KRT78: variants seen among roughly 807,000 people sequenced by gnomAD.
KRT78 encodes the protein keratin 78.
Under a neutral mutation model 51.4 loss-of-function variants are expected in KRT78, and 55 were observed. That is an observed-to-expected ratio of 1.07 (90% CI 0.86 to 1.34). The LOEUF (loss-of-function observed/expected upper bound fraction) is 1.34. Ranked by LOEUF, KRT78 falls within the 40% of genes most tolerant of loss-of-function variation. KRT78 has a pLI of 0.00. For missense variants in KRT78, 652 were observed against 649.4 expected, an observed-to-expected ratio of 1.00 and a Z score of -0.04; for synonymous variants, 291 against 264.3, an observed-to-expected ratio of 1.10 and a Z score of -0.98.
intron 6 of KRT78, among the ~76,000 whole-genome samples, chr12:52,841,590 A>G (rs1384425861): frequency 6.6e-6 from 1 of 152,150 alleles, no homozygotes; most frequent in African/African-American, 2.4e-5. Context: ...TTGCCCTCAC[A>G]TCTGACTCAG....
At position 52,848,703 on chromosome 12, in the gene KRT78, G is replaced by A; in HGVS notation, c.228C>T (p.Ser76=). Residue 76 remains serine (S), a synonymous_variant, in exon 1 of 9, where the codon TCC becomes TCT. Transcript: ENST00000304620. The stretch of plus-strand genomic sequence containing the variant: ...CTTGGATGCCCCCCGGAGGGCACAG[G>A]GAGAGCCCAGGCCCACCACTCCACT... ...FGEWSGGPGL[S]LCPPGGIQEV... 6.2e-7 allele frequency: 1 copy of A among 1,612,620 alleles called. No individual in the cohort carries two copies. Among genetic ancestry groups the A allele is most frequent in the Non-Finnish European group, 8.5e-7 (1 of 1,179,058 alleles).
rs199905467 is a variant in KRT78, at chr12:52,846,305, G to T, written c.661-13C>A. ...CCCCATCCACATCCTGGAGACAAGG[G>T]GAGAGAGAACACGTAACCCCCTCTT... On this transcript the variant is annotated splice_polypyrimidine_tract_variant and intron_variant, in intron 3 of 8. Transcript: ENST00000304620. 3.2e-6 allele frequency: 5 copies of T among 1,564,722 alleles called. No homozygotes were observed. The East Asian group carries it at 9.0e-5, about 28-fold the overall frequency.
chr12:52,848,396 G>A (rs904179968), intron 1 of KRT78, 151 bp downstream of exon 1: 29 of 1,399,664 alleles, frequency 2.1e-5, no homozygotes, highest in Non-Finnish European at 2.7e-5. Flanking sequence ...TAGCCAGAGA[G>A]AGTCCAGTTA....
chr12:52,844,427 C>T, intron 5 of KRT78, 132 bp downstream of exon 5: 1 of 1,219,850 alleles, frequency 8.2e-7, no homozygotes, highest in Non-Finnish European at 1.1e-6. Flanking sequence ...AATGGCCCTG[C>T]CCACCCAGCC....
At chr12:52,841,107 A>T (rs761381493) in intron 6 of KRT78, among the ~76,000 whole-genome samples, 1 of 151,880 alleles carries the variant, frequency 6.6e-6, no homozygotes, top group African/African-American at 2.4e-5. Flanking sequence ...AATGGTTCTC[A>T]TTTTTTTCAG....
At chr12:52,846,534 C>T (rs1272860568) in intron 3 of KRT78, among the ~76,000 whole-genome samples, 2 of 152,176 alleles carry the variant, frequency 1.3e-5, no homozygotes, top group South Asian at 2.1e-4. Context: ...TCTCCCTCCC[C>T]GCCCTCTCCT....
rs773442956 is a variant in KRT78 at position 52,848,789 on chromosome 12, G to T, written c.142C>A (p.Leu48Met). 2 of 1,606,618 alleles carry T rather than the reference G, an allele frequency of 1.2e-6. No homozygotes were observed. Among genetic ancestry groups the T allele is most frequent in the Non-Finnish European group, 1.7e-6 (2 of 1,178,310 alleles). The change falls in exon 1 of 9, where the codon CTG (leucine) becomes ATG (methionine). Residue 48 changes from leucine (L) to methionine (M), a missense_variant. Physicochemically the swap from Leu to Met is conservative, Grantham distance 15. Transcript: ENST00000304620. ...CAGGTACTCCCACGAGAGCCTTCCA[G>T]GCACCCCCCAAAGGAATTAAGGCTC... is the stretch of plus-strand genomic sequence containing the variant. ...SRSLNSFGGC[L>M]EGSRGSTWGS...
At position 52,846,839 on chromosome 12, in the gene KRT78, G is replaced by C. The variant is rs1199331549; in HGVS notation, c.600-15C>G. ...CCTCCTCATACCTGCCAAATAAGTA[G>C]AGAAGGATGCAGTTTGAGGCTCCAC... On this transcript the variant is annotated splice_polypyrimidine_tract_variant and intron_variant, in intron 2 of 8. Coordinates refer to ENST00000304620, the MANE Select transcript of KRT78 (RefSeq NM_173352.4). The C allele has an allele frequency of 1.2e-6, 2 of 1,609,776 alleles. No homozygotes were observed. The highest frequency in any genetic ancestry group is 1.7e-6 in the Non-Finnish European group (2 of 1,176,524).
rs200692895 is a variant in KRT78, at chr12:52,839,440, C to T, written c.1303+13G>A. 7.5e-6 allele frequency: 12 copies of T among 1,609,930 alleles called. No homozygotes were observed. The highest frequency in any genetic ancestry group is 5.3e-5 in the African/African-American group (4 of 74,844). ...CCATGGGGATCCCATCCCTAAAGTC[C>T]CCTGATACTCACAGATAGTGACCTG... On this transcript the variant is annotated intron_variant, in intron 8 of 8. Transcript: ENST00000304620.
Position 52,844,669 on chromosome 12 carries a change from C to A in KRT78, c.811G>T (p.Asp271Tyr). ...CTGAAGTCCAGGTAGCGGTTGTTGT[C>A]CATGGACAGCACCACAGACGTGTCG... ...ASDTSVVLSMDNNRYLDFSSI... is the reference protein window; with the variant it reads ...ASDTSVVLSMYNNRYLDFSSI... The change falls in exon 5 of 9, where the codon GAC becomes TAC. Residue 271 changes from aspartate (D) to tyrosine (Y), a missense_variant. By Grantham distance (160) the Asp-to-Tyr change is radical. Coordinates refer to ENST00000304620, the MANE Select transcript of KRT78 (RefSeq NM_173352.4). 6.2e-7 allele frequency: 1 copy of A among 1,614,128 alleles called. No homozygotes were observed. The highest frequency in any genetic ancestry group is 8.5e-7 in the Non-Finnish European group (1 of 1,179,996).
intron 7 of KRT78, 132 bp downstream of exon 7, chr12:52,839,632 G>T: frequency 7.9e-7 from 1 of 1,265,216 alleles, no homozygotes. Context: ...CCTCTCTGCA[G>T]CGTCGGTTGC....
chr12:52,844,637 G>A lies in KRT78; in HGVS notation c.843C>T (p.Ile281=). ...DNNRYLDFSS[I]ITEVRARYEE... ...CGTACCGGGCGCGGACCTCAGTGAT[G>A]ATGCTGCTGAAGTCCAGGTAGCGGT... The change falls in exon 5 of 9, where the codon ATC becomes ATT. Residue 281 remains isoleucine, a synonymous_variant. Coordinates refer to ENST00000304620, the MANE Select transcript of KRT78 (RefSeq NM_173352.4). The A allele has an allele frequency of 6.2e-7, 1 of 1,614,186 alleles. No homozygotes were observed. Among genetic ancestry groups the A allele is most frequent in the Non-Finnish European group, 8.5e-7 (1 of 1,180,020 alleles).
In KRT78 at chr12:52,844,621, C is replaced by A; in HGVS notation, c.859G>T (p.Ala287Ser). ...CTCCGGGCGATCTCCTCGTACCGGGCGCGGACCTCAGTGATGATGCTGCTG... is the reference window on the plus strand; with the variant it reads ...CTCCGGGCGATCTCCTCGTACCGGGAGCGGACCTCAGTGATGATGCTGCTG... The part of the protein sequence containing the change: ...DFSSIITEVR[A>S]RYEEIARSSK... The change falls in exon 5 of 9, where the codon GCC (alanine) becomes TCC (serine). Residue 287 changes from alanine to serine, a missense_variant. Transcript: ENST00000304620. 6.2e-7 allele frequency: 1 copy of A among 1,614,156 alleles called. No individual in the cohort carries two copies. The highest frequency in any genetic ancestry group is 1.7e-4 in the Middle Eastern group (1 of 6,060).
chr12:52,841,147 T>C (rs997329018), intron 6 of KRT78, among the ~76,000 whole-genome samples: 1 of 152,176 alleles, frequency 6.6e-6, no homozygotes, highest in Non-Finnish European at 1.5e-5. Flanking sequence ...TTTGTCCTGT[T>C]GTCAGAGTAC....
chr12:52,839,658 A>G (rs1940434401), intron 7 of KRT78, 106 bp downstream of exon 7: 3 of 1,328,476 alleles, frequency 2.3e-6, no homozygotes, highest in African/African-American at 1.4e-5. Flanking sequence ...GCAACTCACA[A>G]TGTCAGGAAA....
intron 1 of KRT78, 85 bp downstream of exon 1, chr12:52,848,462 G>A (rs147951434): frequency 1.3e-6 from 2 of 1,564,246 alleles, no homozygotes; most frequent in East Asian, 2.2e-5. Flanking sequence ...GTAGAAGGAG[G>A]CCAAACTTCC....
intron 2 of KRT78, among the ~76,000 whole-genome samples, chr12:52,847,527 A>G (rs914853847): frequency 6.6e-6 from 1 of 152,188 alleles, no homozygotes; most frequent in East Asian, 1.9e-4. Flanking sequence ...GGAACCAGAG[A>G]ACATCTGAAT....
Position 52,843,008 on chromosome 12 carries a change from AGGAGGGAGGGAG to A in KRT78, c.1047+1073_1047+1084del, listed in dbSNP as rs775388728. Among the ~76,000 whole-genome samples the A allele has an allele frequency of 7.6e-3, 191 of 25,176 alleles. 3 individuals are homozygous for A. The highest frequency in any genetic ancestry group is 1.0e-2 in the Non-Finnish European group (107 of 10,730). The allele number at this position is 25,176 out of a possible 152,430, so 16.5% of individuals were successfully genotyped here. A position where few individuals can be genotyped will look rare whatever the true frequency, so the allele number is the denominator to read the frequency against. On this transcript the variant is annotated intron_variant, in intron 6 of 8. Coordinates refer to ENST00000304620, the MANE Select transcript of KRT78 (RefSeq NM_173352.4). ...AAGGAAGGAAGGAAGGAAGGAAGGA[AGGAGGGAGGGAG>A]GGAGGGAGGGAGGGAGGGAGGGAGG... is the stretch of plus-strand genomic sequence containing the variant.
intron 4 of KRT78, among the ~76,000 whole-genome samples, chr12:52,845,660 T>C (rs917216612): frequency 9.9e-5 from 15 of 152,156 alleles, no homozygotes; most frequent in African/African-American, 3.1e-4. Flanking sequence ...TGTCTCCCAA[T>C]AGAAAGCAAA....
Sources: gnomAD v4.1 joint callset for allele counts (sites outside exome capture counted in the v4.1 genomes callset) on GRCh38, gnomAD v4.1.1 for gene constraint, MANE v1.5 for transcripts, NCBI Gene and HGNC (gene_info 2026-07-23, HGNC 2026-07-21) for gene names.